Variants in LYPD6B observed in about 807,000 individuals in gnomAD.
LYPD6B encodes the protein LY6/PLAUR domain containing 6B.
Under a neutral mutation model 22.8 loss-of-function variants are expected in LYPD6B, and 17 were observed. That is an observed-to-expected ratio of 0.75 (90% CI 0.51 to 1.12). LYPD6B has a LOEUF of 1.12. Ranked by LOEUF, LYPD6B falls within the 50% of genes most tolerant of loss-of-function variation. LYPD6B has a pLI of 0.00. For synonymous variants in LYPD6B, 106 were observed against 91.6 expected (o/e 1.16, Z -0.90); for missense variants, 221 against 258.3 (o/e 0.86, Z 0.99).
intron 2 of LYPD6B, among the ~76,000 whole-genome samples, chr2:149,154,886 G>C (rs540066034): frequency 6.6e-6 from 1 of 152,122 alleles, no homozygotes; most frequent in African/African-American, 2.4e-5. Flanking sequence ...ATATGGACTC[G>C]CGAAATACTC....
At chr2:149,208,239 A>G in intron 4 of LYPD6B, 75 bp from the exon 5 acceptor site, 1 of 998,250 alleles carries the variant, frequency 1.0e-6, no homozygotes, top group Non-Finnish European at 1.6e-6. Context: ...AAAGTTGCTC[A>G]TTTTGTACCA....
intron 3 of LYPD6B, among the ~76,000 whole-genome samples, chr2:149,177,835 GTTTTTTTT>G (rs35470511): frequency 2.3e-5 from 3 of 131,862 alleles, no homozygotes; most frequent in South Asian, 2.5e-4. Flanking sequence ...TTCTGCAAGA[GTTTTTTTT>G]TTTTTTTTTT....
intron 3 of LYPD6B, among the ~76,000 whole-genome samples, chr2:149,180,919 G>T (rs1217197318): frequency 6.6e-6 from 1 of 152,174 alleles, no homozygotes; most frequent in African/African-American, 2.4e-5. Context: ...TGTGACCTTG[G>T]ACCAGGCCCT....
intron 1 of LYPD6B, among the ~76,000 whole-genome samples, chr2:149,097,493 G>C (rs1449468443): frequency 6.6e-6 from 1 of 152,192 alleles, no homozygotes; most frequent in East Asian, 1.9e-4. Flanking sequence ...ATTCAGATTT[G>C]ACTGAGCATC....
chr2:149,211,301 G>A (rs13410142), intron 5 of LYPD6B, among the ~76,000 whole-genome samples: 29,872 of 151,984 alleles, frequency 0.2, 3,061 homozygotes, highest in East Asian at 0.36. Context: ...CAATTGCCAC[G>A]TGGTTTAATA....
intron 1 of LYPD6B, among the ~76,000 whole-genome samples, chr2:149,073,209 G>A (rs1451372314): frequency 6.6e-6 from 1 of 152,178 alleles, no homozygotes; most frequent in African/African-American, 2.4e-5. Flanking sequence ...TGCAGTTGTA[G>A]CTTCTCTTGC....
In LYPD6B at chr2:149,214,027, G is replaced by A. The variant is rs541623415; in HGVS notation, c.460-519G>A. On this transcript the variant is annotated intron_variant, in intron 6 of 6. Transcript: ENST00000409642. ...CTGAAAACATCCCCTGAAAACACCA[G>A]TTAGGGACAAGCCTTTATTTTTTCT... 8.5e-5 allele frequency among the ~76,000 whole-genome samples: 13 copies of A among 152,300 alleles called. No homozygotes were observed. The South Asian group carries it at 2.7e-3, about 32-fold the overall frequency.
chr2:149,133,142 C>T (rs542104779), intron 2 of LYPD6B, among the ~76,000 whole-genome samples: 3 of 152,058 alleles, frequency 2.0e-5, no homozygotes, highest in Non-Finnish European at 2.9e-5. Flanking sequence ...TTGGCTAGAG[C>T]GATTCTAAAC....
chr2:149,154,164 T>G, intron 2 of LYPD6B: 1 of 195,876 alleles, frequency 5.1e-6, no homozygotes, highest in Non-Finnish European at 8.8e-6. Flanking sequence ...CCTAGTACCT[T>G]TGCAGATGTA....
intron 2 of LYPD6B, among the ~76,000 whole-genome samples, chr2:149,152,925 T>C (rs1254943512): frequency 2.6e-5 from 4 of 152,192 alleles, no homozygotes; most frequent in Non-Finnish European, 5.9e-5. Context: ...GGCATTGCAG[T>C]GGGTAACAGT....
At chr2:149,056,422 T>C (rs4667361) in intron 1 of LYPD6B, among the ~76,000 whole-genome samples, 46,451 of 152,076 alleles carry the variant, frequency 0.31, 7,918 homozygotes, top group Non-Finnish European at 0.38. Context: ...AGGTGACCAA[T>C]GTGGGCTTCA....
intron 1 of LYPD6B, among the ~76,000 whole-genome samples, chr2:149,056,282 G>A (rs1387401784): frequency 6.6e-6 from 1 of 152,156 alleles, no homozygotes; most frequent in Non-Finnish European, 1.5e-5. Flanking sequence ...ACTGTGCTGG[G>A]ATCCCAAAGA....
chr2:149,045,040 A>C (rs989523474), intron 1 of LYPD6B, among the ~76,000 whole-genome samples: 1 of 151,984 alleles, frequency 6.6e-6, no homozygotes, highest in Non-Finnish European at 1.5e-5. Flanking sequence ...CTCTAGTGAA[A>C]CCATTTGGTC....
chr2:149,095,955 T>G (rs1685885165), intron 1 of LYPD6B, among the ~76,000 whole-genome samples: 1 of 147,808 alleles, frequency 6.8e-6, no homozygotes, highest in African/African-American at 2.5e-5. Flanking sequence ...AAGAGACACA[T>G]TCAGAGAAGA....
intron 1 of LYPD6B, among the ~76,000 whole-genome samples, chr2:149,122,573 C>T (rs1687441402): frequency 7.7e-6 from 1 of 129,052 alleles, no homozygotes; most frequent in Admixed American, 7.7e-5. Flanking sequence ...TCCCCCCTCC[C>T]CCCACCCCAT....
At chr2:149,202,166 A>T (rs1693202143) in intron 3 of LYPD6B, among the ~76,000 whole-genome samples, 1 of 152,182 alleles carries the variant, frequency 6.6e-6, no homozygotes, top group Non-Finnish European at 1.5e-5. Flanking sequence ...ACTAGAGATA[A>T]GACTAGGAAT....
At chr2:149,183,340 C>T (rs1182642388) in intron 3 of LYPD6B, among the ~76,000 whole-genome samples, 3 of 152,180 alleles carry the variant, frequency 2.0e-5, no homozygotes, top group Non-Finnish European at 4.4e-5. Context: ...CCTGGTCATA[C>T]TGCAAACCTA....
chr2:149,071,653 A>T lies in LYPD6B; in HGVS notation c.-67+32852A>T, dbSNP rs905960981. 2.0e-5 allele frequency among the ~76,000 whole-genome samples: 3 copies of T among 152,200 alleles called. No homozygotes were observed. The South Asian group carries it at 6.2e-4, about 31-fold the overall frequency. On this transcript the variant is annotated intron_variant, in intron 1 of 6. Transcript: ENST00000409642. ...AACAAGGACTGAGCACTGTCCTAGT[A>T]CTTTTCTAAGCATGAATTAACTCAT...
intron 3 of LYPD6B, among the ~76,000 whole-genome samples, chr2:149,192,376 C>CT (rs1379710959): frequency 6.7e-6 from 1 of 149,204 alleles, no homozygotes; most frequent in African/African-American, 2.5e-5. Context: ...CTAATACCAA[C>CT]TTATTGTAGG....
Sources: gnomAD v4.1 joint callset for allele counts (sites outside exome capture counted in the v4.1 genomes callset) on GRCh38, gnomAD v4.1.1 for gene constraint, MANE v1.5 for transcripts, NCBI Gene and HGNC (gene_info 2026-07-23, HGNC 2026-07-21) for gene names.